The following PRELID2 variants were observed in gnomAD, a reference collection of about 807,000 sequenced individuals.
PRELID2 encodes the protein PRELI domain-containing protein 2.
In PRELID2, 25 loss-of-function variants were observed where a neutral mutation model predicts 28.4. The observed-to-expected ratio is 0.88, with a 90% CI of 0.64 to 1.23. PRELID2 has a LOEUF of 1.23. Among genes scored for constraint, PRELID2 ranks in the 50% most tolerant of loss-of-function variants. The probability of loss-of-function intolerance (pLI) is 0.00; values close to 1 mark genes in which losing one functional copy is unlikely to be tolerated. For synonymous variants in PRELID2, 76 were observed against 71.6 expected (o/e 1.06, Z -0.31); for missense variants, 201 against 214.4 (o/e 0.94, Z 0.39).
At chr5:145,477,044 T>G (rs1317235072) in intron 1 of PRELID2, among the ~76,000 whole-genome samples, 1 of 152,240 alleles carries the variant, frequency 6.6e-6, no homozygotes, top group Non-Finnish European at 1.5e-5. Context: ...GAGCCCATTC[T>G]GTAAACTGTT....
At chr5:145,697,684 C>T (rs1755310975) in intron 1 of PRELID2, among the ~76,000 whole-genome samples, 1 of 152,232 alleles carries the variant, frequency 6.6e-6, no homozygotes, top group South Asian at 2.1e-4. Context: ...ATCTGAGAAA[C>T]TAACTTGAAG....
chr5:145,239,393 C>T, the PRELID2 span, among the ~76,000 whole-genome samples: 6 of 151,900 alleles, frequency 3.9e-5, no homozygotes, highest in Admixed American at 2.0e-4. Flanking sequence ...ATATTGTCTC[C>T]TGGGATAAAC....
chr5:145,513,912 G>C (rs937326510), intron 1 of PRELID2, among the ~76,000 whole-genome samples: 1 of 152,044 alleles, frequency 6.6e-6, no homozygotes, highest in Non-Finnish European at 1.5e-5. Flanking sequence ...ATAAGCGAGG[G>C]AAAAATAAAA....
intron 1 of PRELID2, among the ~76,000 whole-genome samples, chr5:145,553,854 A>C (rs1278148758): frequency 3.3e-5 from 5 of 152,202 alleles, no homozygotes; most frequent in Non-Finnish European, 5.9e-5. Flanking sequence ...GGAATATTAC[A>C]ACAGCCCTTA....
intron 1 of PRELID2, among the ~76,000 whole-genome samples, chr5:145,834,208 T>C (rs1338994131): frequency 1.3e-5 from 2 of 152,078 alleles, no homozygotes; most frequent in Non-Finnish European, 2.9e-5. Context: ...GAAAAATAGC[T>C]CAGAGCAGAT....
At chr5:145,513,457 G>T (rs761308954) in intron 1 of PRELID2, among the ~76,000 whole-genome samples, 1 of 151,794 alleles carries the variant, frequency 6.6e-6, no homozygotes, top group Non-Finnish European at 1.5e-5. Flanking sequence ...GAAAATGAAC[G>T]AACAAAGCCT....
the PRELID2 span, chr5:145,229,127 C>G: frequency 7.6e-7 from 1 of 1,315,260 alleles, no homozygotes; most frequent in Non-Finnish European, 1.1e-6. Context: ...AAGTGGAAAC[C>G]GTCCAGCGGG....
At chr5:145,737,396 T>C (rs2149732576) in intron 1 of PRELID2, among the ~76,000 whole-genome samples, 1 of 149,918 alleles carries the variant, frequency 6.7e-6, no homozygotes, top group Non-Finnish European at 1.5e-5. Context: ...TCAGTGGTGG[T>C]ACAACTAAAA....
intron 1 of PRELID2, among the ~76,000 whole-genome samples, chr5:145,593,030 A>C (rs892976861): frequency 2.6e-5 from 4 of 152,350 alleles, no homozygotes; most frequent in African/African-American, 7.2e-5. Context: ...GCAGAAAAGT[A>C]ATTATGTTAG....
chr5:145,787,335 A>G (rs867152524), intron 5 of PRELID2, among the ~76,000 whole-genome samples: 2 of 152,180 alleles, frequency 1.3e-5, no homozygotes, highest in Non-Finnish European at 1.5e-5. Context: ...GGAATTTGTA[A>G]GCAACTATGT....
intron 1 of PRELID2, among the ~76,000 whole-genome samples, chr5:145,661,544 C>A (rs114788432): frequency 0.016 from 2,438 of 151,868 alleles, 79 homozygotes; most frequent in African/African-American, 0.055. Context: ...AAGAATGGAC[C>A]CTGTCACTGT....
chr5:145,342,902 T>TAAAAAAAAA, the PRELID2 span, among the ~76,000 whole-genome samples: 16 of 128,928 alleles, frequency 1.2e-4, no homozygotes, highest in East Asian at 1.1e-3. Flanking sequence ...TCAAAAACAG[T>TAAAAAAAAA]AAAAAAAAAA....
chr5:145,331,325 T>G, the PRELID2 span, among the ~76,000 whole-genome samples: 1 of 152,178 alleles, frequency 6.6e-6, no homozygotes, highest in Admixed American at 6.5e-5. Flanking sequence ...GTCCTGAATA[T>G]CCTTGTAAAT....
At chr5:145,273,223 G>C in the PRELID2 span, among the ~76,000 whole-genome samples, 1 of 152,028 alleles carries the variant, frequency 6.6e-6, no homozygotes, top group Non-Finnish European at 1.5e-5. Flanking sequence ...TTTTCCTAGG[G>C]GTTCTACTAT....
At chr5:145,700,460 T>C (rs1755380785) in intron 1 of PRELID2, among the ~76,000 whole-genome samples, 1 of 152,082 alleles carries the variant, frequency 6.6e-6, no homozygotes, top group African/African-American at 2.4e-5. Flanking sequence ...TTTATAAAAA[T>C]ATTAAATATT....
chr5:145,710,148 G>A (rs895121944), intron 1 of PRELID2, among the ~76,000 whole-genome samples: 3 of 152,012 alleles, frequency 2.0e-5, no homozygotes, highest in Admixed American at 1.3e-4. Context: ...CTCCATGAAG[G>A]TTTGGACGTG....
the PRELID2 span, among the ~76,000 whole-genome samples, chr5:145,276,355 C>A: frequency 6.6e-6 from 1 of 152,128 alleles, no homozygotes; most frequent in Non-Finnish European, 1.5e-5. Flanking sequence ...TTTAAAATTT[C>A]TCTTTTCTAC....
the PRELID2 span, among the ~76,000 whole-genome samples, chr5:145,459,403 T>C: frequency 6.6e-6 from 1 of 152,276 alleles, no homozygotes; most frequent in Non-Finnish European, 1.5e-5. Context: ...TTAGATTTCT[T>C]AAGCTGACCC....
intron 1 of PRELID2, among the ~76,000 whole-genome samples, chr5:145,546,459 G>A (rs1752789379): frequency 6.6e-6 from 1 of 152,120 alleles, no homozygotes; most frequent in South Asian, 2.1e-4. Context: ...CCCCTTCCAA[G>A]ATGTACACTT....
Sources: gnomAD v4.1 joint callset for allele counts (sites outside exome capture counted in the v4.1 genomes callset) on GRCh38, gnomAD v4.1.1 for gene constraint, MANE v1.5 for transcripts, NCBI Gene and HGNC (gene_info 2026-07-23, HGNC 2026-07-21) for gene names.